The following MB21D2 variants were observed in gnomAD, a reference collection of about 807,000 sequenced individuals.
MB21D2 encodes the protein nucleotidyltransferase MB21D2.
A neutral mutation model predicts 33.3 loss-of-function variants in MB21D2; 9 were observed. The ratio of observed to expected loss-of-function variants is 0.27; its 90% confidence interval spans 0.16 to 0.47. The LOEUF is 0.47. MB21D2 is among the 20% of genes least tolerant of loss of function. The pLI, the probability that MB21D2 is intolerant of heterozygous loss-of-function variation, is 0.99. For synonymous variants in MB21D2, 241 were observed against 236.3 expected (o/e 1.02, Z -0.18); for missense variants, 540 against 624.6 (o/e 0.86, Z 1.44).
chr3:192,813,681 A>G (rs1449850279), intron 1 of MB21D2, among the ~76,000 whole-genome samples: 1 of 152,194 alleles, frequency 6.6e-6, no homozygotes, highest in Non-Finnish European at 1.5e-5. Flanking sequence ...CAAGATGAGT[A>G]TACAAAGTAT....
At chr3:192,823,702 G>GA in intron 1 of MB21D2, among the ~76,000 whole-genome samples, 1 of 152,236 alleles carries the variant, frequency 6.6e-6, no homozygotes, top group Non-Finnish European at 1.5e-5. Context: ...AGCTTGACAG[G>GA]AAAAAGAATA....
intron 1 of MB21D2, among the ~76,000 whole-genome samples, chr3:192,885,328 C>T (rs555663811): frequency 1.2e-4 from 19 of 152,232 alleles, no homozygotes; most frequent in African/African-American, 4.3e-4. Flanking sequence ...TCCACTCCCA[C>T]GACATGCTCT....
intron 1 of MB21D2, among the ~76,000 whole-genome samples, chr3:192,814,970 A>G (rs1711888565): frequency 1.3e-5 from 2 of 152,200 alleles, no homozygotes; most frequent in South Asian, 4.2e-4. Flanking sequence ...CTTTCCCCCA[A>G]CCATCTAAAA....
intron 1 of MB21D2, among the ~76,000 whole-genome samples, chr3:192,828,436 A>G (rs1712225077): frequency 6.6e-6 from 1 of 150,948 alleles, no homozygotes; most frequent in Non-Finnish European, 1.5e-5. Context: ...GGGGCCCAAG[A>G]TGCCTGTGTC....
intron 1 of MB21D2, among the ~76,000 whole-genome samples, chr3:192,889,779 C>T (rs1175729358): frequency 6.6e-6 from 1 of 152,072 alleles, no homozygotes; most frequent in Admixed American, 6.5e-5. Flanking sequence ...AAGCGTGCAA[C>T]ATAACAAGAA....
intron 1 of MB21D2, among the ~76,000 whole-genome samples, chr3:192,897,394 G>A (rs1294545890): frequency 1.3e-5 from 2 of 152,168 alleles, no homozygotes; most frequent in Non-Finnish European, 2.9e-5. Flanking sequence ...CTAACCAAGG[G>A]TTAGGTCATT....
In MB21D2 at chr3:192,798,287, A is replaced by G. The variant is rs1720564686; in HGVS notation, c.*99T>C. The G allele has an allele frequency of 3.7e-6, 5 of 1,365,272 alleles. No homozygotes were observed. The highest frequency in any genetic ancestry group is 4.0e-6 in the Non-Finnish European group (4 of 997,186). 84.6% of individuals were successfully genotyped at this position (1,365,272 alleles called of 1,614,324 possible). On this transcript the variant is annotated 3_prime_UTR_variant, in exon 2 of 2. Coordinates refer to ENST00000392452, the MANE Select transcript of MB21D2 (RefSeq NM_178496.4). The surrounding 1 kb of genome is among the most constrained non-coding windows in gnomAD (Gnocchi z 4.8). ...TTAAAATTTGTTCTTAACAAATCCA[A>G]TCTAGGCTGGATATGTAAAAAACAG...
chr3:192,892,167 C>A (rs185386934), intron 1 of MB21D2, among the ~76,000 whole-genome samples: 1 of 152,322 alleles, frequency 6.6e-6, no homozygotes, highest in Non-Finnish European at 1.5e-5. Flanking sequence ...CTTCAGGAAT[C>A]GTGCTACATA....
chr3:192,798,593 C>G lies in MB21D2; in HGVS notation c.1269G>C (p.Arg423=), dbSNP rs1720573057. 6.2e-7 allele frequency: 1 copy of G among 1,613,942 alleles called. No individual in the cohort carries two copies. Among genetic ancestry groups the G allele is most frequent in the African/African-American group, 1.3e-5 (1 of 74,918 alleles). ...TAIEHVKAAN[R]LTLELQRRGS... ...CTCGCCTCTGGAGCTCCAGTGTCAGCCGGTTGGCTGCCTTGACATGCTCAA... is the reference window on the plus strand; with the variant it reads ...CTCGCCTCTGGAGCTCCAGTGTCAGGCGGTTGGCTGCCTTGACATGCTCAA... Residue 423 remains arginine, a synonymous_variant, in exon 2 of 2, where the codon CGG becomes CGC. Transcript: ENST00000392452. The surrounding 1 kb of genome is among the most constrained non-coding windows in gnomAD (Gnocchi z 4.8).
intron 1 of MB21D2, among the ~76,000 whole-genome samples, chr3:192,858,190 T>G (rs190368303): frequency 3.3e-5 from 5 of 152,010 alleles, no homozygotes; most frequent in African/African-American, 1.2e-4. Flanking sequence ...CACTGAAAAG[T>G]TAAGGCCAAC....
At chr3:192,892,228 T>C (rs1332364730) in intron 1 of MB21D2, among the ~76,000 whole-genome samples, 1 of 152,168 alleles carries the variant, frequency 6.6e-6, no homozygotes, top group Non-Finnish European at 1.5e-5. Context: ...CCCAACGTGC[T>C]TTCACACCCA....
intron 1 of MB21D2, among the ~76,000 whole-genome samples, chr3:192,905,149 C>T (rs1330178819): frequency 6.6e-6 from 1 of 152,224 alleles, no homozygotes; most frequent in Non-Finnish European, 1.5e-5. Context: ...TAAAACAGTG[C>T]TTACAGCTGA....
chr3:192,850,447 C>T (rs1051669512), intron 1 of MB21D2, among the ~76,000 whole-genome samples: 1 of 152,190 alleles, frequency 6.6e-6, no homozygotes, highest in Non-Finnish European at 1.5e-5. Flanking sequence ...CTCTAGTACC[C>T]ACCCACCATA....
At chr3:192,907,514 G>C (rs933680832) in intron 1 of MB21D2, among the ~76,000 whole-genome samples, 5 of 152,120 alleles carry the variant, frequency 3.3e-5, no homozygotes, top group Non-Finnish European at 7.3e-5. Context: ...TAGCTGGGTG[G>C]AGTCTTGATC....
chr3:192,875,534 G>T (rs114630311), intron 1 of MB21D2, among the ~76,000 whole-genome samples: 2 of 152,072 alleles, frequency 1.3e-5, no homozygotes, highest in Non-Finnish European at 2.9e-5. Context: ...CATTAAATTC[G>T]CTATGTTTAT....
In MB21D2 at chr3:192,799,463, A is replaced by G. The variant is rs1387594372; in HGVS notation, c.399T>C (p.Pro133=). The G allele has an allele frequency of 4.3e-6, 7 of 1,614,124 alleles. No individual in the cohort carries two copies. The highest frequency in any genetic ancestry group is 5.9e-6 in the Non-Finnish European group (7 of 1,180,040). The change falls in exon 2 of 2, where the codon CCT becomes CCC. Residue 133 remains proline (P), a synonymous_variant. Transcript: ENST00000392452. The surrounding 1 kb of genome is among the most constrained non-coding windows in gnomAD (Gnocchi z 4.1). ...CTGAGTGGCGCATGTCGAGTGTCAC[A>G]GGCTGATTACGGTCATGCAGCTTGA... ...PALKLHDRNQ[P]VTLDMRHSAL...
intron 1 of MB21D2, among the ~76,000 whole-genome samples, chr3:192,891,325 C>T (rs1452132484): frequency 1.3e-5 from 2 of 152,130 alleles, no homozygotes; most frequent in African/African-American, 2.4e-5. Context: ...CGATTCATAA[C>T]ATCTGGATTA....
At chr3:192,884,418 G>C (rs541867750) in intron 1 of MB21D2, among the ~76,000 whole-genome samples, 6 of 152,038 alleles carry the variant, frequency 3.9e-5, no homozygotes, top group East Asian at 3.9e-4. Flanking sequence ...CCAGGCTGGA[G>C]TGCAGTGGCG....
chr3:192,799,216 T>C lies in MB21D2; in HGVS notation c.646A>G (p.Asn216Asp). The stretch of plus-strand genomic sequence containing the variant: ...AGAATGATGGAGATGATGGTCCCAT[T>C]TTTTTCCACCTTTTCTACCTTTGGC... ...GMPKVEKVEK[N>D]GTIISIILGV... The change falls in exon 2 of 2, where the codon AAT becomes GAT. Residue 216 changes from asparagine (N) to aspartate (D), a missense_variant. By Grantham distance (23) the Asn-to-Asp change is conservative. Coordinates refer to ENST00000392452, the MANE Select transcript of MB21D2 (RefSeq NM_178496.4). This position sits in a 1 kb window ranked among gnomAD's most constrained non-coding sequence, Gnocchi z 4.1. The C allele has an allele frequency of 6.2e-7, 1 of 1,614,228 alleles. No individual in the cohort carries two copies. Among genetic ancestry groups the C allele is most frequent in the South Asian group, 1.1e-5 (1 of 91,080 alleles).
Sources: gnomAD v4.1 joint callset for allele counts (sites outside exome capture counted in the v4.1 genomes callset) on GRCh38, gnomAD v4.1.1 for gene constraint, Gnocchi (gnomAD v3.1) non-coding constraint, MANE v1.5 for transcripts, NCBI Gene and HGNC (gene_info 2026-07-23, HGNC 2026-07-21) for gene names.